MMP28: variants seen among roughly 807,000 people sequenced by gnomAD.
MMP28 encodes the protein matrix metalloproteinase-28.
In MMP28, 55 loss-of-function variants were observed where a neutral mutation model predicts 60.5. The ratio of observed to expected loss-of-function variants is 0.91; its 90% CI spans 0.73 to 1.14. The LOEUF (loss-of-function observed/expected upper bound fraction) is 1.14. Ranked by LOEUF, MMP28 falls within the 50% of genes most tolerant of loss-of-function variation. MMP28 has a pLI of 0.00. For synonymous variants in MMP28, 318 were observed against 312.5 expected (o/e 1.02, Z -0.18); for missense variants, 686 against 738.3 (o/e 0.93, Z 0.82).
intron 1 of MMP28, among the ~76,000 whole-genome samples, chr17:35,786,823 T>C (rs2086666746): frequency 6.6e-6 from 1 of 152,044 alleles, no homozygotes; most frequent in Non-Finnish European, 1.5e-5. Context: ...TTTAAAGATA[T>C]CACACCTTCT....
Position 35,773,227 on chromosome 17 carries a change from A to C in MMP28, c.557T>G (p.Phe186Cys), listed in dbSNP as rs1555606372. 6.2e-7 allele frequency: 1 copy of C among 1,613,872 alleles called. No individual in the cohort carries two copies. The highest frequency in any genetic ancestry group is 8.5e-7 in the Non-Finnish European group (1 of 1,179,880). The change falls in exon 4 of 8, where the codon TTC becomes TGC. Residue 186 changes from phenylalanine (F) to cysteine (C), a missense_variant. By Grantham distance (205) the Phe-to-Cys change is radical (BLOSUM62 -2). Transcript: ENST00000605424. ...CAGCCCATCGTTGTGGTCCCCTTGG[A>C]AGAAGGTGAGCCGGATGTCAGCGGG... ...TGPADIRLTF[F>C]QGDHNDGLGN...
chr17:35,760,853 C>T, intron 2 of MMP28: 1 of 1,522,866 alleles, frequency 6.6e-7, no homozygotes, highest in African/African-American at 1.4e-5. Context: ...AATAGAGGCC[C>T]TAGACATGAG....
chr17:35,767,178 C>T, intron 7 of MMP28: 1 of 669,468 alleles, frequency 1.5e-6, no homozygotes. Flanking sequence ...ACTAATAATT[C>T]TATGAGGGCA....
chr17:35,764,089 G>GGAGGAC (rs1325038689), downstream of MMP28: 11 of 1,550,176 alleles, frequency 7.1e-6, no homozygotes, highest in Admixed American at 2.0e-5. Context: ...AGGAGGGGTC[G>GGAGGAC]GAGGACGAGG....
chr17:35,771,742 TATATATATATATAA>T (rs1273045277), intron 4 of MMP28, among the ~76,000 whole-genome samples: 13 of 102,006 alleles, frequency 1.3e-4, no homozygotes, highest in Admixed American at 2.0e-4. Flanking sequence ...TATATATATA[TATATATATATATAA>T]AATTGTGTTC....
chr17:35,795,246 C>T (rs1159790081), intron 1 of MMP28, 21 bp downstream of exon 1: 4 of 1,377,240 alleles, frequency 2.9e-6, no homozygotes, highest in African/African-American at 1.5e-5. Flanking sequence ...CACCGCTCTC[C>T]GCCAGGTACA....
chr17:35,766,182 T>A lies in MMP28; in HGVS notation c.*318A>T, dbSNP rs2085932167. On this transcript the variant is annotated 3_prime_UTR_variant, in exon 8 of 8. Coordinates refer to ENST00000605424, the MANE Select transcript of MMP28 (RefSeq NM_024302.5). This position sits in a 1 kb window ranked among gnomAD's most constrained non-coding sequence, Gnocchi z 4.3. ...CTTGGATCCCAGTGCTGTTACCTCTTGAAAGGAACTGTACCTTTAGCCGAA... is the reference window on the plus strand; with the variant it reads ...CTTGGATCCCAGTGCTGTTACCTCTAGAAAGGAACTGTACCTTTAGCCGAA... 10 of 1,123,530 alleles carry A rather than the reference T, an allele frequency of 8.9e-6. No homozygotes were observed. In the South Asian group the frequency reaches 2.4e-4, roughly 27 times the overall value. The allele number at this position is 1,123,530 out of a possible 1,614,324, so 69.6% of individuals were successfully genotyped here.
downstream of MMP28, among the ~76,000 whole-genome samples, chr17:35,765,282 G>A (rs147631967): frequency 2.6e-3 from 393 of 152,344 alleles, no homozygotes; most frequent in African/African-American, 8.8e-3. Flanking sequence ...GGGGAGGTGA[G>A]GGCTGAACCC....
chr17:35,769,942 G>A (rs997964276), intron 5 of MMP28, 125 bp downstream of exon 5: 11 of 1,282,754 alleles, frequency 8.6e-6, no homozygotes, highest in South Asian at 4.8e-5. Context: ...GGGACGAATC[G>A]GCGACAGGGA....
downstream of MMP28, chr17:35,764,177 G>A: frequency 1.3e-6 from 2 of 1,548,386 alleles, no homozygotes; most frequent in Non-Finnish European, 1.7e-6. Context: ...GGAGGGCGAA[G>A]GCCGCGAGCG....
rs938151190 is a variant in MMP28 at position 35,766,440 on chromosome 17, G to C, written c.*60C>G. 2 of 1,484,944 alleles carry C rather than the reference G, an allele frequency of 1.3e-6. No individual in the cohort carries two copies. The highest frequency in any genetic ancestry group is 1.8e-6 in the Non-Finnish European group (2 of 1,116,774). 92.0% of individuals were successfully genotyped at this position (1,484,944 alleles called of 1,614,324 possible). On this transcript the variant is annotated 3_prime_UTR_variant, in exon 8 of 8. Coordinates refer to ENST00000605424, the MANE Select transcript of MMP28 (RefSeq NM_024302.5). The surrounding 1 kb of genome is among the most constrained non-coding windows in gnomAD (Gnocchi z 4.3). ...GCTTCTAAGAGGGGTTCTGCCCCGG[G>C]GGTGGGGAACATGATTTTGCCCTGA...
chr17:35,777,889 G>T (rs747354222), intron 3 of MMP28, among the ~76,000 whole-genome samples: 32 of 152,206 alleles, frequency 2.1e-4, no homozygotes, highest in Non-Finnish European at 4.3e-4. Context: ...TTAGCTGGGC[G>T]TGGTGGCATG....
chr17:35,759,362 C>G lies in MMP28; in HGVS notation c.266-2943G>C, dbSNP rs76665444. Among the ~76,000 whole-genome samples, 4 of 152,082 alleles carry G rather than the reference C, an allele frequency of 2.6e-5. No individual in the cohort carries two copies. In the East Asian group the frequency reaches 7.7e-4, roughly 29 times the overall value. ...ATCTTGGAAAATAGACGTAGTGCCT[C>G]CTTTCTGAGCAAACAGCAGGTTTGC... On this transcript the variant is annotated intron_variant, in intron 2 of 2. Transcript: ENST00000615317.
chr17:35,766,156 G>A lies in MMP28; in HGVS notation c.*344C>T. 9.4e-7 allele frequency: 1 copy of A among 1,067,928 alleles called. No homozygotes were observed. The highest frequency in any genetic ancestry group is 1.1e-6 in the Non-Finnish European group (1 of 882,964). The allele number at this position is 1,067,928 out of a possible 1,614,324, so 66.2% of individuals were successfully genotyped here. A position where few individuals can be genotyped will look rare whatever the true frequency, so the allele number is the denominator to read the frequency against. ...TCTCTGCTGAGTTTTTCATCCCCCTGCTTGGATCCCAGTGCTGTTACCTCT... is the reference window on the plus strand; with the variant it reads ...TCTCTGCTGAGTTTTTCATCCCCCTACTTGGATCCCAGTGCTGTTACCTCT... On this transcript the variant is annotated 3_prime_UTR_variant, in exon 8 of 8. Coordinates refer to ENST00000605424, the MANE Select transcript of MMP28 (RefSeq NM_024302.5). The surrounding 1 kb of genome is among the most constrained non-coding windows in gnomAD (Gnocchi z 4.3).
At position 35,767,754 on chromosome 17, in the gene MMP28, T is replaced by C. The variant is rs745774492; in HGVS notation, c.1166A>G (p.Lys389Arg). 3 of 1,556,362 alleles carry C rather than the reference T, an allele frequency of 1.9e-6. No homozygotes were observed. In the East Asian group the frequency reaches 7.3e-5, roughly 38 times the overall value. Residue 389 changes from lysine (K) to arginine (R), a missense_variant and splice_region_variant, in exon 7 of 8, where the codon AAA (lysine) becomes AGA (arginine). By Grantham distance (26) the Lys-to-Arg change is conservative (BLOSUM62 2). Transcript: ENST00000605424. ...CCCCGCTGCCCCAGAGCCAGTACCT[T>C]TGAAGAAGTAGAAATCTCCATCATT... ...SLNDGDFYFFKGGRCWRFRGP... is the reference protein window; with the variant it reads ...SLNDGDFYFFRGGRCWRFRGP...
At chr17:35,762,480 A>G (rs1568119203), downstream of MMP28, among the ~76,000 whole-genome samples, 1 of 152,160 alleles carries the variant, frequency 6.6e-6, no homozygotes. Context: ...ATGTCAGCCC[A>G]GGAACTTTCT....
intron 1 of MMP28, among the ~76,000 whole-genome samples, chr17:35,780,250 T>A (rs1446687172): frequency 3.3e-5 from 5 of 151,920 alleles, no homozygotes. Flanking sequence ...TTGTATTTAG[T>A]AGAGATGGGG....
chr17:35,763,994 T>G, downstream of MMP28: 1 of 1,529,272 alleles, frequency 6.5e-7, no homozygotes, highest in Non-Finnish European at 8.8e-7. Flanking sequence ...CCTGACCTCC[T>G]CCCGGCCCGC....
In MMP28 at chr17:35,766,972, C is replaced by T. The variant is rs1555603731; in HGVS notation, c.1169-78G>A. ...CTCTACCCCACTTCTGTCCCCCATA[C>T]CTCTGCTCTCCTTTAAGCTGGAGCC... On this transcript the variant is annotated intron_variant, in intron 7 of 7. Coordinates refer to ENST00000605424, the MANE Select transcript of MMP28 (RefSeq NM_024302.5). This position sits in a 1 kb window ranked among gnomAD's most constrained non-coding sequence, Gnocchi z 4.3. 2 of 1,316,348 alleles carry T rather than the reference C, an allele frequency of 1.5e-6. No individual in the cohort carries two copies. The highest frequency in any genetic ancestry group is 2.0e-5 in the Admixed American group (1 of 50,732). 81.5% of individuals were successfully genotyped at this position (1,316,348 alleles called of 1,614,324 possible).
Sources: allele counts gnomAD v4.1 joint callset (sites outside exome capture counted in the v4.1 genomes callset), GRCh38; gene constraint gnomAD v4.1.1; non-coding constraint Gnocchi (gnomAD v3.1); transcripts MANE v1.5; gene names NCBI Gene and HGNC (gene_info 2026-07-23, HGNC 2026-07-21).